The following SHLD3 variants were observed in gnomAD, a reference collection of about 807,000 sequenced individuals.
SHLD3 encodes REV7-interacting novel NHEJ regulator 1.
A neutral mutation model predicts 21.4 loss-of-function variants in SHLD3; 15 were observed. That is an observed-to-expected ratio of 0.70 (90% CI 0.47 to 1.08). The LOEUF is 1.08. Ranked by LOEUF, SHLD3 falls within the 50% of genes least tolerant of loss-of-function variation. The pLI is 0.00. For missense variants in SHLD3, 273 were observed against 286.1 expected (o/e 0.95, Z 0.33); for synonymous variants, 103 against 97.2 (o/e 1.06, Z -0.35).
intron 1 of SHLD3, chr5:65,625,440 C>G (rs1178943503): frequency 3.1e-6 from 1 of 318,090 alleles, no homozygotes. Flanking sequence ...CCTTCTGTCT[C>G]TTGTTTCTTC....
Position 65,625,055 on chromosome 5 carries a change from G to A in SHLD3, c.-172G>A. 1 of 1,613,548 alleles carries A rather than the reference G, an allele frequency of 6.2e-7. No individual in the cohort carries two copies. The highest frequency in any genetic ancestry group is 1.1e-5 in the South Asian group (1 of 91,076). On this transcript the variant is annotated 5_prime_UTR_variant, in exon 1 of 2. Coordinates refer to ENST00000510585, the MANE Select transcript of SHLD3 (RefSeq NM_001365341.2). ...CGTAGGCTGTGGGTCAAAAGTGCCG[G>A]TCAAAATGGAAGTGAATCCCCCTAA...
intron 1 of SHLD3, 76 bp downstream of exon 1, chr5:65,625,182 G>A (rs1166355582): frequency 7.2e-6 from 9 of 1,257,872 alleles, no homozygotes; most frequent in Non-Finnish European, 1.1e-5. Context: ...TGCCATGTAG[G>A]CCTCATCCTT....
intron 1 of SHLD3, among the ~76,000 whole-genome samples, chr5:65,629,085 A>G (rs1172601722): frequency 6.6e-6 from 1 of 152,172 alleles, no homozygotes; most frequent in Non-Finnish European, 1.5e-5. Context: ...ATTTTTAAAT[A>G]TTACATTTTT....
intron 1 of SHLD3, among the ~76,000 whole-genome samples, chr5:65,627,501 G>A (rs897913927): frequency 6.6e-6 from 1 of 152,064 alleles, no homozygotes; most frequent in African/African-American, 2.4e-5. Context: ...GTGATGGTGT[G>A]CACCAGTGGT....
chr5:65,625,270 T>G (rs918257934), intron 1 of SHLD3, 164 bp downstream of exon 1: 2 of 641,238 alleles, frequency 3.1e-6, no homozygotes, highest in Non-Finnish European at 5.6e-6. Context: ...TGGATGCTTT[T>G]TAGGTTTATG....
chr5:65,627,212 CT>C (rs1370293626), intron 1 of SHLD3, among the ~76,000 whole-genome samples: 3 of 146,886 alleles, frequency 2.0e-5, no homozygotes, highest in Non-Finnish European at 3.0e-5. Context: ...ATAGTTTCAA[CT>C]TTATTAAACC....
chr5:65,628,130 A>G (rs557096035), intron 1 of SHLD3, among the ~76,000 whole-genome samples: 2 of 152,310 alleles, frequency 1.3e-5, no homozygotes, highest in South Asian at 4.1e-4. Context: ...GGAAGGCTCC[A>G]TTCTTGAGCC....
Position 65,629,873 on chromosome 5 carries a change from A to G in SHLD3, c.286A>G (p.Ser96Gly), listed in dbSNP as rs1378281412. 2 of 1,536,108 alleles carry G rather than the reference A, an allele frequency of 1.3e-6. No individual in the cohort carries two copies. Among genetic ancestry groups the G allele is most frequent in the Non-Finnish European group, 1.7e-6 (2 of 1,146,892 alleles). ...CTVDLLEFQP[S>G]LKKQHLTWSH... is the part of the protein sequence containing the mutation. ...AGTAGATCTATTGGAGTTTCAACCTAGCTTGAAAAAGCAGCATTTAACCTG... is the reference window on the plus strand; with the variant it reads ...AGTAGATCTATTGGAGTTTCAACCTGGCTTGAAAAAGCAGCATTTAACCTG... The change falls in exon 2 of 2, where the codon AGC (serine) becomes GGC (glycine). Residue 96 changes from serine (S) to glycine (G), a missense_variant. By Grantham distance (56) the Ser-to-Gly change is moderately conservative (BLOSUM62 0). Coordinates refer to ENST00000510585, the MANE Select transcript of SHLD3 (RefSeq NM_001365341.2).
rs545471139 is a variant in SHLD3 at position 65,626,716 on chromosome 5, A to G, written c.-121+1610A>G. On this transcript the variant is annotated intron_variant, in intron 1 of 1. Transcript: ENST00000510585. ...ACGCCACTGCACGCCATCCTAGGCA[A>G]CAGAGCGAGACTCCATCTCAAAAAA... 3.9e-5 allele frequency among the ~76,000 whole-genome samples: 6 copies of G among 152,324 alleles called. No individual in the cohort carries two copies. The East Asian group carries it at 1.2e-3, about 29-fold the overall frequency.
Position 65,629,763 on chromosome 5 carries a change from T to C in SHLD3, c.176T>C (p.Val59Ala). ...LPLRPKRSPPVISEEAAEDVK... is the reference protein window; with the variant it reads ...LPLRPKRSPPAISEEAAEDVK... Reference sequence around the variant, plus strand: ...CTCAGACCTAAAAGATCACCACCTGTGATTTCTGAAGAGGCAGCTGAAGAT... The same window carrying C: ...CTCAGACCTAAAAGATCACCACCTGCGATTTCTGAAGAGGCAGCTGAAGAT... Residue 59 changes from valine to alanine, a missense_variant, in exon 2 of 2, where the codon GTG (valine) becomes GCG (alanine). Transcript: ENST00000510585. The C allele has an allele frequency of 6.5e-7, 1 of 1,536,116 alleles. No homozygotes were observed.
Position 65,625,075 on chromosome 5 carries a change from C to T in SHLD3, c.-152C>T, listed in dbSNP as rs774044527. 4.3e-6 allele frequency: 7 copies of T among 1,613,676 alleles called. No homozygotes were observed. The highest frequency in any genetic ancestry group is 1.7e-5 in the Admixed American group (1 of 59,986). On this transcript the variant is annotated 5_prime_UTR_variant, in exon 1 of 2. Coordinates refer to ENST00000510585, the MANE Select transcript of SHLD3 (RefSeq NM_001365341.2). Reference sequence around the variant, plus strand: ...TGCCGGTCAAAATGGAAGTGAATCCCCCTAAACAGGAGCACCTGCTGGCGC... The same window carrying T: ...TGCCGGTCAAAATGGAAGTGAATCCTCCTAAACAGGAGCACCTGCTGGCGC...
chr5:65,627,179 G>T (rs1755282319), intron 1 of SHLD3, among the ~76,000 whole-genome samples: 1 of 134,778 alleles, frequency 7.4e-6, no homozygotes, highest in South Asian at 2.5e-4. Flanking sequence ...AGCCTAAACG[G>T]ACAAGTGCTT....
chr5:65,626,587 T>G (rs954789320), intron 1 of SHLD3, among the ~76,000 whole-genome samples: 19 of 151,966 alleles, frequency 1.3e-4, no homozygotes, highest in Admixed American at 5.2e-4. Context: ...ATACAAAAAG[T>G]TAGCCAGGCG....
chr5:65,628,581 C>T (rs12153235), intron 1 of SHLD3, among the ~76,000 whole-genome samples: 35,542 of 151,564 alleles, frequency 0.23, 4,609 homozygotes, highest in South Asian at 0.33. Context: ...AAGCGATTCT[C>T]CTCCCTCAGC....
At chr5:65,628,936 G>C (rs1409868756) in intron 1 of SHLD3, among the ~76,000 whole-genome samples, 1 of 151,572 alleles carries the variant, frequency 6.6e-6, no homozygotes, top group Non-Finnish European at 1.5e-5. Flanking sequence ...TCCTGCCTCA[G>C]CTTCCCTAGT....
intron 1 of SHLD3, 22 bp downstream of exon 1, chr5:65,625,128 TC>T (rs773420010): frequency 1.2e-6 from 2 of 1,605,394 alleles, no homozygotes; most frequent in South Asian, 2.2e-5. Context: ...CGAACCTGAT[TC>T]CCCCTTTTCT....
Position 65,629,900 on chromosome 5 carries a change from T to G in SHLD3, c.313T>G (p.Ser105Ala). 6.5e-7 allele frequency: 1 copy of G among 1,536,074 alleles called. No homozygotes were observed. The highest frequency in any genetic ancestry group is 8.7e-7 in the Non-Finnish European group (1 of 1,146,896). The part of the protein sequence containing the change: ...PSLKKQHLTW[S>A]HTLKEQTNSG... ...CTTGAAAAAGCAGCATTTAACCTGG[T>G]CACACACACTGAAGGAACAGACTAA... Residue 105 changes from serine to alanine, a missense_variant, in exon 2 of 2, where the codon TCA (serine) becomes GCA (alanine). Transcript: ENST00000510585.
chr5:65,628,461 A>AT lies in SHLD3; in HGVS notation c.-120-991dup, dbSNP rs753065631. Reference sequence around the variant, plus strand: ...ATATTTGTTTGGTGGAATCCATATAATTTTTTTTTTTTTTTTGAGACGGAG... The same window carrying AT: ...ATATTTGTTTGGTGGAATCCATATAATTTTTTTTTTTTTTTTTGAGACGGAG... On this transcript the variant is annotated intron_variant, in intron 1 of 1. Transcript: ENST00000510585. Among the ~76,000 whole-genome samples the AT allele has an allele frequency of 4.7e-3, 668 of 143,452 alleles. 7 individuals carry two copies. The highest frequency in any genetic ancestry group is 5.7e-3 in the African/African-American group (222 of 39,292). The allele number at this position is 143,452 out of a possible 152,430, so 94.1% of individuals were successfully genotyped here. A position where few individuals can be genotyped will look rare whatever the true frequency, so the allele number is the denominator to read the frequency against.
chr5:65,627,131 C>CA (rs60169195), intron 1 of SHLD3, among the ~76,000 whole-genome samples: 1,601 of 32,518 alleles, frequency 0.049, 380 homozygotes, highest in Non-Finnish European at 0.06. Context: ...GACCCTGTCT[C>CA]AAAAAAAAAA....
Sources: allele counts gnomAD v4.1 joint callset (sites outside exome capture counted in the v4.1 genomes callset), GRCh38; gene constraint gnomAD v4.1.1; transcripts MANE v1.5; gene names NCBI Gene and HGNC (gene_info 2026-07-23, HGNC 2026-07-21).